Variants in TSHZ2 observed in about 807,000 individuals in gnomAD.
The protein encoded by TSHZ2 is teashirt homolog 2.
In TSHZ2, 21 loss-of-function variants were observed where a neutral mutation model predicts 74.4. That is an observed-to-expected ratio of 0.28 (90% CI 0.20 to 0.41). The LOEUF is 0.41. TSHZ2 is among the 10% of genes least tolerant of loss of function. TSHZ2 has a pLI of 1.00. For missense variants in TSHZ2, 1,244 were observed against 1,293.5 expected, an observed-to-expected ratio of 0.96 and a Z score of 0.59; for synonymous variants, 540 against 515.3, an observed-to-expected ratio of 1.05 and a Z score of -0.65.
At chr20:53,459,006 G>A (rs1461561104) in intron 2 of TSHZ2, among the ~76,000 whole-genome samples, 1 of 152,128 alleles carries the variant, frequency 6.6e-6, no homozygotes, top group Non-Finnish European at 1.5e-5. Flanking sequence ...TTTGGAATAG[G>A]TGTGGTGCGG....
intron 1 of TSHZ2, among the ~76,000 whole-genome samples, chr20:52,987,764 C>G (rs1318796297): frequency 1.3e-5 from 2 of 152,118 alleles, no homozygotes; most frequent in Non-Finnish European, 2.9e-5. Context: ...AGGAGAAAGA[C>G]AAGCAATCCA....
chr20:53,403,775 A>G (rs1415597281), intron 2 of TSHZ2, among the ~76,000 whole-genome samples: 1 of 152,206 alleles, frequency 6.6e-6, no homozygotes, highest in Admixed American at 6.5e-5. Flanking sequence ...TTCAGGTGCG[A>G]GTCTTCAGTA....
chr20:53,457,145 G>C (rs1333081788), intron 2 of TSHZ2, among the ~76,000 whole-genome samples: 1 of 133,386 alleles, frequency 7.5e-6, no homozygotes. Flanking sequence ...AAATTACCTT[G>C]GGCAGTATGG....
At chr20:53,433,078 A>C (rs908326918) in intron 2 of TSHZ2, among the ~76,000 whole-genome samples, 7 of 152,174 alleles carry the variant, frequency 4.6e-5, no homozygotes, top group African/African-American at 1.7e-4. Flanking sequence ...CTCTTCTCAG[A>C]GGAGCAAATC....
intron 2 of TSHZ2, among the ~76,000 whole-genome samples, chr20:53,333,434 C>G (rs1017558420): frequency 1.3e-5 from 2 of 151,456 alleles, no homozygotes; most frequent in Non-Finnish European, 2.9e-5. Flanking sequence ...AGCACTCCTC[C>G]AGATCTCTCT....
chr20:53,059,297 T>C (rs1235200989), intron 1 of TSHZ2, among the ~76,000 whole-genome samples: 3 of 152,218 alleles, frequency 2.0e-5, no homozygotes, highest in Admixed American at 1.3e-4. Context: ...AATGACTCCA[T>C]TTATCAAGGG....
chr20:53,143,053 C>T lies in TSHZ2; in HGVS notation c.41-110446C>T, dbSNP rs73270619. On this transcript the variant is annotated intron_variant, in intron 1 of 2. Transcript: ENST00000371497. The stretch of plus-strand genomic sequence containing the variant: ...AAGACAAGTGTGTAGGAGCTTTTCT[C>T]CTCAGTCCATTTTGTGTGTGTGTGA... Among the ~76,000 whole-genome samples the T allele has an allele frequency of 4.3e-3, 650 of 152,258 alleles. 7 individuals carry two copies. The highest frequency in any genetic ancestry group is 0.015 in the African/African-American group (628 of 41,540).
intron 1 of TSHZ2, 101 bp downstream of exon 1, chr20:52,973,434 CG>C (rs1981206581): frequency 1.4e-6 from 2 of 1,463,196 alleles, no homozygotes; most frequent in Non-Finnish European, 1.8e-6. Context: ...CTTAAGCTTT[CG>C]GGGGAGTTTG....
intron 2 of TSHZ2, among the ~76,000 whole-genome samples, chr20:53,465,013 C>A (rs1985511233): frequency 6.6e-6 from 1 of 152,088 alleles, no homozygotes; most frequent in South Asian, 2.1e-4. Context: ...CTTAGAGCAT[C>A]CTGGGCAACT....
chr20:53,427,625 C>T (rs1269879947), intron 2 of TSHZ2, among the ~76,000 whole-genome samples: 1 of 152,150 alleles, frequency 6.6e-6, no homozygotes, highest in Non-Finnish European at 1.5e-5. Context: ...ATTTCTGAAT[C>T]CAAAATAGAG....
chr20:53,433,356 G>C (rs2145736672), intron 2 of TSHZ2, among the ~76,000 whole-genome samples: 1 of 152,226 alleles, frequency 6.6e-6, no homozygotes, highest in South Asian at 2.1e-4. Context: ...GACAAAGAGA[G>C]ACCCTGTCTC....
chr20:53,130,888 T>C (rs1239813383), intron 1 of TSHZ2, among the ~76,000 whole-genome samples: 4 of 152,236 alleles, frequency 2.6e-5, no homozygotes, highest in African/African-American at 9.6e-5. Flanking sequence ...TGTGCCATTT[T>C]AGGCAAGTCA....
chr20:52,992,860 C>T (rs1024161170), intron 1 of TSHZ2, among the ~76,000 whole-genome samples: 1 of 152,160 alleles, frequency 6.6e-6, no homozygotes, highest in Non-Finnish European at 1.5e-5. Flanking sequence ...TCTGTGTTTC[C>T]AATCACTTAG....
At chr20:53,113,781 C>T (rs567782900) in intron 1 of TSHZ2, among the ~76,000 whole-genome samples, 14 of 152,166 alleles carry the variant, frequency 9.2e-5, no homozygotes, top group Non-Finnish European at 2.1e-4. Flanking sequence ...GGCATCTCCT[C>T]TTATCACAAA....
chr20:53,285,973 G>A (rs1568852197), intron 2 of TSHZ2, among the ~76,000 whole-genome samples: 1 of 151,376 alleles, frequency 6.6e-6, no homozygotes, highest in Non-Finnish European at 1.5e-5. Context: ...TTTGGGGAAG[G>A]GAAAACAGAG....
intron 1 of TSHZ2, among the ~76,000 whole-genome samples, chr20:53,002,349 T>A (rs1162944717): frequency 1.3e-5 from 2 of 152,202 alleles, no homozygotes; most frequent in Non-Finnish European, 2.9e-5. Context: ...TTTCATACTT[T>A]GTGGAGCGTC....
intron 1 of TSHZ2, among the ~76,000 whole-genome samples, chr20:53,073,428 C>G (rs1199602286): frequency 6.8e-6 from 1 of 147,012 alleles, no homozygotes; most frequent in African/African-American, 2.5e-5. Flanking sequence ...CTTCATTCAT[C>G]TATCCCTCCA....
Position 53,466,034 on chromosome 20 carries a change from G to T in TSHZ2, c.*9-21110G>T, listed in dbSNP as rs1985548523. ...GGCCCAAGGCAGGTGAATCACAAGGGTCAGGAGTTCGAGACTAGCCTGGCC... is the reference window on the plus strand; with the variant it reads ...GGCCCAAGGCAGGTGAATCACAAGGTTCAGGAGTTCGAGACTAGCCTGGCC... On this transcript the variant is annotated intron_variant, in intron 2 of 2. Transcript: ENST00000371497. Among the ~76,000 whole-genome samples the T allele has an allele frequency of 2.6e-5, 4 of 151,110 alleles. No homozygotes were observed. The South Asian group carries it at 8.3e-4, about 31-fold the overall frequency.
chr20:53,161,679 A>G (rs1262251453), intron 1 of TSHZ2, among the ~76,000 whole-genome samples: 2 of 152,172 alleles, frequency 1.3e-5, no homozygotes, highest in Non-Finnish European at 2.9e-5. Flanking sequence ...TCAACTCACT[A>G]TCATGAGAAC....
Sources: allele counts gnomAD v4.1 joint callset (sites outside exome capture counted in the v4.1 genomes callset), GRCh38; gene constraint gnomAD v4.1.1; transcripts MANE v1.5; gene names NCBI Gene and HGNC (gene_info 2026-07-23, HGNC 2026-07-21).